HDAC9: variants seen among roughly 807,000 people sequenced by gnomAD.
HDAC9 encodes the protein histone deacetylase 9.
Under a neutral mutation model 139.4 loss-of-function variants are expected in HDAC9, and 41 were observed. That is an observed-to-expected ratio of 0.29 (90% CI 0.23 to 0.38). The LOEUF (loss-of-function observed/expected upper bound fraction) is 0.38. HDAC9 is among the 10% of genes least tolerant of loss of function. HDAC9 has a pLI of 1.00. For synonymous variants in HDAC9, 517 were observed against 476.2 expected, an observed-to-expected ratio of 1.09 and a Z score of -1.12; for missense variants, 1,147 against 1,297.0, an observed-to-expected ratio of 0.88 and a Z score of 1.78.
chr7:18,255,888 A>C (rs767890528), intron 2 of HDAC9, among the ~76,000 whole-genome samples: 1 of 152,030 alleles, frequency 6.6e-6, no homozygotes, highest in Admixed American at 6.6e-5. Flanking sequence ...CGGCCTCCCA[A>C]AGTGTTGGGA....
At chr7:18,396,396 A>G (rs10225649) in intron 1 of HDAC9, among the ~76,000 whole-genome samples, 49,739 of 151,926 alleles carry the variant, frequency 0.33, 8,667 homozygotes, top group East Asian at 0.46. Context: ...GAGGGATAGT[A>G]TAGATGAGCT....
chr7:18,337,818 G>A (rs903442335), intron 1 of HDAC9, among the ~76,000 whole-genome samples: 4 of 151,788 alleles, frequency 2.6e-5, no homozygotes, highest in Admixed American at 2.6e-4. Context: ...GAAAATTGAA[G>A]GAGATGGGTA....
chr7:18,397,940 A>G (rs1161628349), intron 1 of HDAC9, among the ~76,000 whole-genome samples: 3 of 152,142 alleles, frequency 2.0e-5, no homozygotes, highest in African/African-American at 7.2e-5. Context: ...ATTTCATCCT[A>G]AGAAGCGGGA....
rs557832035 is a variant in HDAC9 at position 18,787,639 on chromosome 7, T to C, written c.2215-5706T>C. Among the ~76,000 whole-genome samples the C allele has an allele frequency of 2.0e-5, 3 of 152,316 alleles. No homozygotes were observed. The South Asian group carries it at 6.2e-4, about 32-fold the overall frequency. ...AGGTAGGAATATTTAGGGATTTCCA[T>C]ACTGTAAAATACAGTTAAACCTCAC... On this transcript the variant is annotated intron_variant, in intron 16 of 25. Transcript: ENST00000686413.
At chr7:18,194,684 A>G (rs1280929618) in intron 2 of HDAC9, among the ~76,000 whole-genome samples, 2 of 152,176 alleles carry the variant, frequency 1.3e-5, no homozygotes, top group Non-Finnish European at 2.9e-5. Flanking sequence ...ACTTCATTTT[A>G]AAGATGTATT....
intron 12 of HDAC9, among the ~76,000 whole-genome samples, chr7:18,698,195 C>T (rs1195845635): frequency 2.0e-5 from 3 of 152,116 alleles, no homozygotes; most frequent in African/African-American, 7.2e-5. Context: ...ACTTTTCTCC[C>T]CCTACACCAA....
At chr7:18,097,345 C>A (rs1424394125) in intron 1 of HDAC9, among the ~76,000 whole-genome samples, 1 of 152,096 alleles carries the variant, frequency 6.6e-6, no homozygotes, top group Non-Finnish European at 1.5e-5. Flanking sequence ...CCTAAATGAC[C>A]AGCAACATTG....
At chr7:18,200,618 G>T (rs1252803171) in intron 2 of HDAC9, among the ~76,000 whole-genome samples, 1 of 152,082 alleles carries the variant, frequency 6.6e-6, no homozygotes, top group Non-Finnish European at 1.5e-5. Context: ...ACTTTATTGG[G>T]GTTTGGTAGT....
intron 1 of HDAC9, among the ~76,000 whole-genome samples, chr7:18,088,998 T>C (rs1300770571): frequency 6.6e-6 from 1 of 152,208 alleles, no homozygotes; most frequent in Non-Finnish European, 1.5e-5. Flanking sequence ...TGTTTTCATA[T>C]ATGTTTTAGC....
chr7:18,609,754 A>C (rs1011472899), intron 6 of HDAC9, among the ~76,000 whole-genome samples: 1 of 151,486 alleles, frequency 6.6e-6, no homozygotes, highest in Non-Finnish European at 1.5e-5. Context: ...TACATTAAGT[A>C]TTTCTCCTAA....
At chr7:18,227,267 C>G (rs1270889869) in intron 2 of HDAC9, among the ~76,000 whole-genome samples, 1 of 152,044 alleles carries the variant, frequency 6.6e-6, no homozygotes, top group Non-Finnish European at 1.5e-5. Flanking sequence ...TCTGATGAAT[C>G]CACTTATTTA....
At chr7:18,977,919 GACACACACACACACACACACACAC>G (rs147049392) in intron 25 of HDAC9, among the ~76,000 whole-genome samples, 12 of 140,930 alleles carry the variant, frequency 8.5e-5, no homozygotes, top group Non-Finnish European at 1.4e-4. Flanking sequence ...CAGACAGACA[GACACACACACACACACACACACAC>G]ACACACACAC....
intron 23 of HDAC9, among the ~76,000 whole-genome samples, chr7:18,945,909 C>T (rs1235604508): frequency 1.3e-5 from 2 of 151,492 alleles, no homozygotes; most frequent in African/African-American, 4.8e-5. Flanking sequence ...TGGTGGTGCG[C>T]ACCTGTATTC....
intron 17 of HDAC9, among the ~76,000 whole-genome samples, chr7:18,814,589 A>AC (rs1157604343): frequency 6.6e-6 from 1 of 151,704 alleles, no homozygotes; most frequent in Non-Finnish European, 1.5e-5. Flanking sequence ...GTGCATGCTC[A>AC]CCCCCCACCC....
intron 1 of HDAC9, among the ~76,000 whole-genome samples, chr7:18,310,945 A>G (rs1799275927): frequency 6.6e-6 from 1 of 152,038 alleles, no homozygotes; most frequent in African/African-American, 2.4e-5. Context: ...TTCTATTTCT[A>G]AAAAAAGTTA....
intron 1 of HDAC9, among the ~76,000 whole-genome samples, chr7:18,382,850 T>C (rs1233066279): frequency 4.6e-5 from 7 of 152,174 alleles, no homozygotes; most frequent in Non-Finnish European, 2.9e-5. Context: ...CTTAAGGAAG[T>C]ATAGAACATG....
At chr7:18,939,917 T>G (rs1781906436) in intron 23 of HDAC9, among the ~76,000 whole-genome samples, 1 of 152,186 alleles carries the variant, frequency 6.6e-6, no homozygotes, top group Non-Finnish European at 1.5e-5. Flanking sequence ...TGAACTCCCA[T>G]TAGAAAGGTC....
intron 16 of HDAC9, among the ~76,000 whole-genome samples, chr7:18,777,931 A>T (rs1216492799): frequency 1.3e-5 from 2 of 151,966 alleles, no homozygotes; most frequent in Non-Finnish European, 2.9e-5. Flanking sequence ...AACCTGCCTC[A>T]ATCTCTTTTA....
At chr7:18,161,389 A>T (rs1787616866) in intron 1 of HDAC9, among the ~76,000 whole-genome samples, 1 of 152,220 alleles carries the variant, frequency 6.6e-6, no homozygotes, top group South Asian at 2.1e-4. Flanking sequence ...CTGAAGATAA[A>T]GGAGTATATA....
Sources: gnomAD v4.1 joint callset for allele counts (sites outside exome capture counted in the v4.1 genomes callset) on GRCh38, gnomAD v4.1.1 for gene constraint, MANE v1.5 for transcripts, NCBI Gene and HGNC (gene_info 2026-07-23, HGNC 2026-07-21) for gene names.